CNTNAP2: variants seen among roughly 807,000 people sequenced by gnomAD.
CNTNAP2 encodes the protein contactin associated protein 2.
CNTNAP2 carries 98 observed loss-of-function variants against 155.2 expected under a neutral mutation model. That is an observed-to-expected ratio of 0.63 (90% confidence interval 0.54 to 0.75). The LOEUF (loss-of-function observed/expected upper bound fraction) is 0.75. CNTNAP2 is among the 30% of genes least tolerant of loss of function. The pLI is 0.00. For missense variants in CNTNAP2, 1,727 were observed against 1,688.1 expected (o/e 1.02, Z -0.40); for synonymous variants, 651 against 631.2 (o/e 1.03, Z -0.47).
chr7:147,374,788 T>C (rs1796406644), intron 9 of CNTNAP2, among the ~76,000 whole-genome samples: 1 of 152,046 alleles, frequency 6.6e-6, no homozygotes, highest in Non-Finnish European at 1.5e-5. Context: ...TGCCTTAAAA[T>C]ATTTTTGTCA....
chr7:147,425,916 C>T (rs1584941837), intron 10 of CNTNAP2, among the ~76,000 whole-genome samples: 1 of 152,120 alleles, frequency 6.6e-6, no homozygotes, highest in South Asian at 2.1e-4. Context: ...AGCTCAAAAA[C>T]TTCAATGTTA....
intron 13 of CNTNAP2, among the ~76,000 whole-genome samples, chr7:147,789,924 G>A (rs909592794): frequency 1.3e-5 from 2 of 152,156 alleles, no homozygotes; most frequent in Non-Finnish European, 2.9e-5. Flanking sequence ...TGAAGTCTGG[G>A]ACTGGGACTG....
chr7:146,839,668 A>T (rs1803681006), intron 2 of CNTNAP2, 43 bp from the exon 3 acceptor site: 1 of 1,606,140 alleles, frequency 6.2e-7, no homozygotes, highest in Non-Finnish European at 8.5e-7. Flanking sequence ...ACAAGTTCAA[A>T]TTTAAATATT....
chr7:147,206,097 T>C (rs547304027), intron 8 of CNTNAP2, among the ~76,000 whole-genome samples: 1 of 152,236 alleles, frequency 6.6e-6, no homozygotes, highest in South Asian at 2.1e-4. Flanking sequence ...AATCTGTATA[T>C]GTAAACTCTT....
intron 1 of CNTNAP2, among the ~76,000 whole-genome samples, chr7:146,618,962 C>G (rs980784115): frequency 6.6e-6 from 1 of 151,292 alleles, no homozygotes. Flanking sequence ...CCCAGCTACT[C>G]GGGAGGCTGA....
Position 147,973,690 on chromosome 7 carries a change from A to G in CNTNAP2, c.2256-4172A>G, listed in dbSNP as rs116073991. On this transcript the variant is annotated intron_variant, in intron 14 of 23. Transcript: ENST00000361727. ...AAGGTAATTTTCACCTCATCTATAA[A>G]TGAGAGTTAAAAGGAAAATTCTTTT... Among the ~76,000 whole-genome samples the G allele has an allele frequency of 7.1e-3, 1,074 of 152,300 alleles. 15 individuals carry two copies. The highest frequency in any genetic ancestry group is 0.025 in the African/African-American group (1,036 of 41,560).
intron 21 of CNTNAP2, among the ~76,000 whole-genome samples, chr7:148,305,717 C>T (rs539923226): frequency 6.6e-6 from 1 of 152,156 alleles, no homozygotes; most frequent in Non-Finnish European, 1.5e-5. Context: ...CTCTTGAGAA[C>T]CCACTCACAC....
chr7:147,053,915 A>C (rs926303152), intron 4 of CNTNAP2, among the ~76,000 whole-genome samples: 1 of 152,166 alleles, frequency 6.6e-6, no homozygotes, highest in African/African-American at 2.4e-5. Context: ...AAGAACTTCA[A>C]AGCTGAAAAG....
intron 3 of CNTNAP2, among the ~76,000 whole-genome samples, chr7:146,937,867 A>G (rs1796956225): frequency 1.3e-5 from 2 of 152,238 alleles, no homozygotes; most frequent in African/African-American, 4.8e-5. Context: ...TTCTGATGGT[A>G]GAAGCTTAGG....
intron 3 of CNTNAP2, among the ~76,000 whole-genome samples, chr7:147,023,470 T>G (rs1389556786): frequency 6.6e-6 from 1 of 152,172 alleles, no homozygotes; most frequent in Non-Finnish European, 1.5e-5. Context: ...TGGCATCTTG[T>G]AACACTAGAG....
chr7:147,110,458 G>T (rs1334273088), intron 5 of CNTNAP2, among the ~76,000 whole-genome samples: 1 of 151,882 alleles, frequency 6.6e-6, no homozygotes, highest in Admixed American at 6.6e-5. Context: ...TGTCTGCACA[G>T]ATCATCCCAT....
At chr7:148,025,271 C>T (rs1344930869) in intron 15 of CNTNAP2, among the ~76,000 whole-genome samples, 2 of 152,134 alleles carry the variant, frequency 1.3e-5, no homozygotes, top group Non-Finnish European at 2.9e-5. Flanking sequence ...TTTGGTTTGA[C>T]CAGCTGATGC....
At chr7:146,436,670 C>A (rs185518652) in intron 1 of CNTNAP2, among the ~76,000 whole-genome samples, 3 of 151,814 alleles carry the variant, frequency 2.0e-5, no homozygotes, top group Non-Finnish European at 4.4e-5. Flanking sequence ...GAAACAGAAA[C>A]CTCTAAAACT....
intron 13 of CNTNAP2, among the ~76,000 whole-genome samples, chr7:147,829,222 T>C (rs1169199574): frequency 6.6e-6 from 1 of 152,060 alleles, no homozygotes. Flanking sequence ...CAAGAACAGA[T>C]GGGGTTGAGC....
intron 13 of CNTNAP2, among the ~76,000 whole-genome samples, chr7:147,837,606 C>T (rs1005004672): frequency 2.6e-4 from 40 of 152,276 alleles, no homozygotes; most frequent in African/African-American, 8.9e-4. Context: ...CAATATAAGT[C>T]CCTTCTGCCT....
chr7:147,332,582 G>C, intron 9 of CNTNAP2, among the ~76,000 whole-genome samples: 1 of 152,048 alleles, frequency 6.6e-6, no homozygotes, highest in Non-Finnish European at 1.5e-5. Flanking sequence ...GTAATTATCA[G>C]GTCGAGCATG....
intron 10 of CNTNAP2, among the ~76,000 whole-genome samples, chr7:147,479,157 C>T (rs1417515094): frequency 1.3e-5 from 2 of 152,230 alleles, no homozygotes; most frequent in South Asian, 2.1e-4. Flanking sequence ...CTTCCCTCCA[C>T]GTAGAAGGGG....
At chr7:146,937,259 C>T (rs1796935661) in intron 3 of CNTNAP2, among the ~76,000 whole-genome samples, 1 of 151,356 alleles carries the variant, frequency 6.6e-6, no homozygotes, top group South Asian at 2.1e-4. Flanking sequence ...GGTGTGGTGG[C>T]ACGCGCCTGT....
chr7:148,120,558 C>T (rs1038342453), intron 16 of CNTNAP2, among the ~76,000 whole-genome samples: 1 of 152,140 alleles, frequency 6.6e-6, no homozygotes, highest in Admixed American at 6.5e-5. Flanking sequence ...TGAGCCACTG[C>T]ACCCAGCCAC....
Sources: allele counts gnomAD v4.1 joint callset (sites outside exome capture counted in the v4.1 genomes callset), GRCh38; gene constraint gnomAD v4.1.1; transcripts MANE v1.5; gene names NCBI Gene and HGNC (gene_info 2026-07-23, HGNC 2026-07-21).